ALK: variants seen among roughly 807,000 people sequenced by gnomAD.
The protein encoded by ALK is ALK tyrosine kinase receptor.
In ALK, 74 loss-of-function variants were observed where a neutral mutation model predicts 163.1. The observed-to-expected ratio is 0.45, with a 90% CI of 0.38 to 0.55. ALK has a LOEUF of 0.55. Ranked by LOEUF, ALK falls within the 20% of genes least tolerant of loss-of-function variation. ALK has a pLI of 0.00. For missense variants in ALK, 2,063 were observed against 2,105.3 expected, an observed-to-expected ratio of 0.98 and a Z score of 0.39; for synonymous variants, 960 against 843.2, an observed-to-expected ratio of 1.14 and a Z score of -2.40.
At chr2:29,799,282 G>C (rs886406797) in intron 1 of ALK, among the ~76,000 whole-genome samples, 1 of 152,286 alleles carries the variant, frequency 6.6e-6, no homozygotes, top group East Asian at 1.9e-4. Flanking sequence ...ATCCAGCAAG[G>C]GCACCAACTT....
In ALK at chr2:29,320,833, G is replaced by A. The variant is rs56165377; in HGVS notation, c.1464C>T (p.Gly488=). The A allele has an allele frequency of 9.0e-3, 14,523 of 1,614,186 alleles. 97 individuals carry two copies. Among genetic ancestry groups the A allele is most frequent in the Non-Finnish European group, 0.011 (12,968 of 1,180,028 alleles). The change falls in exon 7 of 29, where the codon GGC becomes GGT. Residue 488 remains glycine (G), a synonymous_variant. Transcript: ENST00000389048. ...GGGGTGACAGTGTGCCTTGGGTCCAGCCACAGAAGCCATCTTCAAAGTTGC... is the reference window on the plus strand; with the variant it reads ...GGGGTGACAGTGTGCCTTGGGTCCAACCACAGAAGCCATCTTCAAAGTTGC... ...FYCNFEDGFC[G]WTQGTLSPHT...
chr2:29,690,026 G>C (rs941778887), intron 3 of ALK, among the ~76,000 whole-genome samples: 1 of 152,180 alleles, frequency 6.6e-6, no homozygotes, highest in Admixed American at 6.5e-5. Context: ...AATGAGGAGA[G>C]AATGAATTTC....
Position 29,193,489 on chromosome 2 carries a change from A to C in ALK, c.4598T>G (p.Leu1533Arg), listed in dbSNP as rs764298799. 3.1e-6 allele frequency: 5 copies of C among 1,614,130 alleles called. No individual in the cohort carries two copies. In the East Asian group the frequency reaches 8.9e-5, roughly 29 times the overall value. ...GACAGTACAGCTTCCCTCCAGCCCC[A>C]GGTTACCCCTGTCGTGTGGCTCCTT... ...AKKEPHDRGN[L>R]GLEGSCTVPP... The change falls in exon 29 of 29, where the codon CTG (leucine) becomes CGG (arginine). Residue 1533 changes from leucine (L) to arginine (R), a missense_variant. Leu to Arg is a moderately radical substitution (Grantham distance 102). Transcript: ENST00000389048.
chr2:29,478,709 C>T (rs141935247), intron 4 of ALK, among the ~76,000 whole-genome samples: 40 of 152,304 alleles, frequency 2.6e-4, no homozygotes, highest in African/African-American at 8.2e-4. Flanking sequence ...TCAAAGAAAG[C>T]GGTCACTCAA....
intron 3 of ALK, among the ~76,000 whole-genome samples, chr2:29,555,334 A>G (rs1165765409): frequency 6.6e-6 from 1 of 151,730 alleles, no homozygotes; most frequent in Non-Finnish European, 1.5e-5. Flanking sequence ...GGCCCACTTC[A>G]CTCATTTACT....
At chr2:29,376,803 G>A (rs566125854) in intron 5 of ALK, among the ~76,000 whole-genome samples, 8 of 152,314 alleles carry the variant, frequency 5.3e-5, no homozygotes, top group Admixed American at 5.2e-4. Flanking sequence ...GATGTTGATT[G>A]GTTCCACATG....
chr2:29,514,962 A>G (rs1672623270), intron 4 of ALK, among the ~76,000 whole-genome samples: 3 of 152,210 alleles, frequency 2.0e-5, no homozygotes, highest in South Asian at 2.1e-4. Context: ...GGCTTTGAAG[A>G]TAAGGATTAT....
chr2:29,615,019 A>G (rs112750678), intron 3 of ALK, among the ~76,000 whole-genome samples: 43 of 152,180 alleles, frequency 2.8e-4, no homozygotes, highest in African/African-American at 8.7e-4. Flanking sequence ...GAGTCTTGCT[A>G]TGTTGCCCAG....
intron 1 of ALK, among the ~76,000 whole-genome samples, chr2:29,862,445 A>G (rs919394698): frequency 3.9e-5 from 6 of 152,204 alleles, no homozygotes; most frequent in Non-Finnish European, 5.9e-5. Flanking sequence ...AATTCAATAA[A>G]GTTTCATCAT....
rs1181002588 is a variant in ALK at position 29,227,425 on chromosome 2, TGTG to T, written c.2914+146_2914+148del. 1.4e-5 allele frequency: 11 copies of T among 773,404 alleles called. No homozygotes were observed. The highest frequency in any genetic ancestry group is 9.8e-5 in the East Asian group (4 of 40,740). 47.9% of individuals were successfully genotyped at this position (773,404 alleles called of 1,614,324 possible). ...AGCACACATCCTGACTTCTGGAAAA[TGTG>T]GTGACCTGCGCCATAGGAAGCTTGC... On this transcript the variant is annotated intron_variant, in intron 17 of 28. Transcript: ENST00000389048. The surrounding 1 kb of genome is among the most constrained non-coding windows in gnomAD (Gnocchi z 4.4).
intron 1 of ALK, among the ~76,000 whole-genome samples, chr2:29,859,977 T>C (rs555767541): frequency 6.6e-6 from 1 of 151,976 alleles, no homozygotes; most frequent in East Asian, 1.9e-4. Flanking sequence ...CAGCAAAGAA[T>C]ACAGACATGG....
intron 1 of ALK, among the ~76,000 whole-genome samples, chr2:29,882,411 C>G (rs1256764501): frequency 2.0e-5 from 3 of 152,128 alleles, no homozygotes; most frequent in Admixed American, 6.5e-5. Context: ...CTAGATAATA[C>G]CAGGCTGGGC....
chr2:29,518,513 C>G (rs1462372730), intron 4 of ALK, among the ~76,000 whole-genome samples: 1 of 152,198 alleles, frequency 6.6e-6, no homozygotes, highest in Non-Finnish European at 1.5e-5. Flanking sequence ...CAGCAGCTTT[C>G]ATGGTTCCTA....
intron 3 of ALK, among the ~76,000 whole-genome samples, chr2:29,648,759 T>C (rs1676956024): frequency 6.6e-6 from 1 of 152,196 alleles, no homozygotes; most frequent in Non-Finnish European, 1.5e-5. Context: ...GGATCCTCTG[T>C]CTTCTGGATC....
At chr2:29,530,922 C>T (rs982445037) in intron 4 of ALK, among the ~76,000 whole-genome samples, 1 of 152,182 alleles carries the variant, frequency 6.6e-6, no homozygotes, top group Non-Finnish European at 1.5e-5. Flanking sequence ...GCTTGTAGTC[C>T]TTCTAAGTGC....
chr2:29,394,424 A>G (rs1573314103), intron 4 of ALK, among the ~76,000 whole-genome samples: 1 of 152,214 alleles, frequency 6.6e-6, no homozygotes, highest in African/African-American at 2.4e-5. Flanking sequence ...GTTTCTCTAA[A>G]TTTTGGATTA....
intron 4 of ALK, among the ~76,000 whole-genome samples, chr2:29,525,992 A>G (rs1461318317): frequency 1.3e-5 from 2 of 152,052 alleles, no homozygotes; most frequent in Non-Finnish European, 2.9e-5. Flanking sequence ...ATCCAGGTAT[A>G]CTCAATGGGA....
chr2:29,743,084 C>A (rs1680105512), intron 1 of ALK, among the ~76,000 whole-genome samples: 1 of 152,210 alleles, frequency 6.6e-6, no homozygotes, highest in African/African-American at 2.4e-5. Flanking sequence ...TGTGCTCTTT[C>A]TGGGCTCTTG....
intron 5 of ALK, among the ~76,000 whole-genome samples, chr2:29,364,382 A>G (rs961761392): frequency 1.3e-5 from 2 of 152,174 alleles, no homozygotes; most frequent in African/African-American, 4.8e-5. Flanking sequence ...GGGAAGGACC[A>G]GCTAACCAAG....
Sources: gnomAD v4.1 joint callset for allele counts (sites outside exome capture counted in the v4.1 genomes callset) on GRCh38, gnomAD v4.1.1 for gene constraint, Gnocchi (gnomAD v3.1) non-coding constraint, MANE v1.5 for transcripts, NCBI Gene and HGNC (gene_info 2026-07-23, HGNC 2026-07-21) for gene names.